TRIP4: variants seen among roughly 807,000 people sequenced by gnomAD.
TRIP4 encodes the protein thyroid hormone receptor interactor 4.
TRIP4 carries 54 observed loss-of-function variants against 81.8 expected under a neutral mutation model. The observed-to-expected ratio is 0.66, with a 90% CI of 0.53 to 0.83. TRIP4 has a LOEUF of 0.83. TRIP4 is among the 40% of genes least tolerant of loss of function. The pLI is 0.00. For missense variants in TRIP4, 662 were observed against 683.6 expected, an observed-to-expected ratio of 0.97 and a Z score of 0.35; for synonymous variants, 270 against 242.8, an observed-to-expected ratio of 1.11 and a Z score of -1.04.
Position 64,397,715 on chromosome 15 carries a change from A to G in TRIP4, c.515A>G (p.Asp172Gly). 1.2e-6 allele frequency: 2 copies of G among 1,614,228 alleles called. No individual in the cohort carries two copies. The highest frequency in any genetic ancestry group is 1.7e-6 in the Non-Finnish European group (2 of 1,180,042). The change falls in exon 4 of 13, where the codon GAT (aspartate) becomes GGT (glycine). Residue 172 changes from aspartate to glycine, a missense_variant. Physicochemically the swap from Asp to Gly is moderately conservative, Grantham distance 94. Coordinates refer to ENST00000261884, the MANE Select transcript of TRIP4 (RefSeq NM_016213.5). ...AVLLPGRHPC[D>G]CLGQKHKLIN... ...CTGCTCCCTGGTCGTCACCCTTGTG[A>G]TTGCCTGGGCCAGAAGCACAAGCTC...
intron 11 of TRIP4, among the ~76,000 whole-genome samples, chr15:64,432,699 C>T (rs532210477): frequency 6.6e-6 from 1 of 151,876 alleles, no homozygotes; most frequent in Non-Finnish European, 1.5e-5. Context: ...ATCACAAGGT[C>T]AGGAGATCAA....
chr15:64,401,195 G>A (rs187346443), intron 5 of TRIP4, among the ~76,000 whole-genome samples: 2 of 150,750 alleles, frequency 1.3e-5, no homozygotes, highest in Non-Finnish European at 3.0e-5. Context: ...GTGTAGTGGC[G>A]CTGATCTCGG....
chr15:64,413,935 A>G, intron 7 of TRIP4, 150 bp from the exon 8 acceptor site: 1 of 764,782 alleles, frequency 1.3e-6, no homozygotes, highest in African/African-American at 1.7e-5. Context: ...TGGTGTGAGA[A>G]GGAAGTTGGA....
At chr15:64,407,199 G>T (rs9919981) in intron 6 of TRIP4, among the ~76,000 whole-genome samples, 126,221 of 152,066 alleles carry the variant, frequency 0.83, 54,835 homozygotes, top group East Asian at 0.96. Context: ...GTTGCTGACA[G>T]TGTAATCTTT....
At chr15:64,439,914 G>C (rs1892480435) in intron 11 of TRIP4, among the ~76,000 whole-genome samples, 1 of 151,918 alleles carries the variant, frequency 6.6e-6, no homozygotes, top group Non-Finnish European at 1.5e-5. Flanking sequence ...AGGAGTTATT[G>C]ATCATTTCAG....
Position 64,400,837 on chromosome 15 carries a change from G to C in TRIP4, c.697+16G>C. The C allele has an allele frequency of 6.2e-7, 1 of 1,606,174 alleles. No homozygotes were observed. Among genetic ancestry groups the C allele is most frequent in the South Asian group, 1.1e-5 (1 of 90,698 alleles). ...CTCATGTCAGGTAGACAGCAGTCTTGTAATTGGATCACTGGGATGATGGGT... is the reference window on the plus strand; with the variant it reads ...CTCATGTCAGGTAGACAGCAGTCTTCTAATTGGATCACTGGGATGATGGGT... On this transcript the variant is annotated intron_variant, in intron 5 of 12. Coordinates refer to ENST00000261884, the MANE Select transcript of TRIP4 (RefSeq NM_016213.5).
Position 64,387,852 on chromosome 15 carries a change from C to T in TRIP4, c.-12C>T. ...GGGGCTTTTGCAGCTCAGCTGGTTC[C>T]GGCTGGGGAAGATGGCGGTGGCTGG... On this transcript the variant is annotated 5_prime_UTR_variant, in exon 1 of 13. Coordinates refer to ENST00000261884, the MANE Select transcript of TRIP4 (RefSeq NM_016213.5). 6.5e-7 allele frequency: 1 copy of T among 1,542,142 alleles called. No individual in the cohort carries two copies. The highest frequency in any genetic ancestry group is 1.4e-5 in the African/African-American group (1 of 73,094).
chr15:64,449,173 C>A (rs1314103807), intron 12 of TRIP4, among the ~76,000 whole-genome samples: 1 of 151,444 alleles, frequency 6.6e-6, no homozygotes, highest in Non-Finnish European at 1.5e-5. Flanking sequence ...GATTGCAATA[C>A]TGCACTCCAG....
intron 12 of TRIP4, among the ~76,000 whole-genome samples, chr15:64,450,400 AAAAAAAAAAAAAAAG>A (rs1400204067): frequency 6.7e-6 from 1 of 150,364 alleles, no homozygotes; most frequent in Non-Finnish European, 1.5e-5. Context: ...AAAGAAAAAA[AAAAAAAAAAAAAAAG>A]AAAGAAAGGA....
intron 12 of TRIP4, among the ~76,000 whole-genome samples, chr15:64,452,840 T>A (rs1174406113): frequency 6.6e-6 from 1 of 152,098 alleles, no homozygotes; most frequent in Non-Finnish European, 1.5e-5. Flanking sequence ...CAAGAGTGAC[T>A]AGGTAACATA....
At chr15:64,406,710 C>A (rs1891630546) in intron 6 of TRIP4, among the ~76,000 whole-genome samples, 1 of 152,148 alleles carries the variant, frequency 6.6e-6, no homozygotes, top group African/African-American at 2.4e-5. Context: ...ATCCCCTGGA[C>A]AGTTATGTGA....
At position 64,394,000 on chromosome 15, in the gene TRIP4, C is replaced by T; in HGVS notation, c.156C>T (p.Leu52=). The change falls in exon 2 of 13, where the codon CTC becomes CTT. Residue 52 remains leucine (L), a synonymous_variant. Coordinates refer to ENST00000261884, the MANE Select transcript of TRIP4 (RefSeq NM_016213.5). The part of the protein sequence containing the change: ...AEEIREYVTD[L]LQGNEGKKGQ... ...AGATACGAGAATATGTTACTGATCTCCTCCAGGGAAATGAAGGCAAAAAAG... is the reference window on the plus strand; with the variant it reads ...AGATACGAGAATATGTTACTGATCTTCTCCAGGGAAATGAAGGCAAAAAAG... 1.2e-6 allele frequency: 2 copies of T among 1,610,704 alleles called. No individual in the cohort carries two copies. Among genetic ancestry groups the T allele is most frequent in the African/African-American group, 2.7e-5 (2 of 74,866 alleles).
intron 10 of TRIP4, among the ~76,000 whole-genome samples, 198 bp from the exon 11 acceptor site, chr15:64,425,342 G>A (rs532226974): frequency 2.0e-5 from 3 of 152,206 alleles, no homozygotes; most frequent in East Asian, 3.9e-4. Flanking sequence ...TGTGGATAGT[G>A]GACTAAGCCA....
rs1892855604 is a variant in TRIP4 at position 64,455,080 on chromosome 15, A to C, written c.*16A>C. ...AGCTGTCTGACCCAGGAGAAAAGGAACTATACAGCATAGTGGAGTTTTGTG... is the reference window on the plus strand; with the variant it reads ...AGCTGTCTGACCCAGGAGAAAAGGACCTATACAGCATAGTGGAGTTTTGTG... On this transcript the variant is annotated 3_prime_UTR_variant, in exon 13 of 13. Transcript: ENST00000261884. The C allele has an allele frequency of 1.9e-6, 3 of 1,613,288 alleles. No homozygotes were observed. The African/African-American group carries it at 4.0e-5, about 21-fold the overall frequency.
chr15:64,430,299 T>TG (rs1392689001), intron 11 of TRIP4, among the ~76,000 whole-genome samples: 1 of 152,246 alleles, frequency 6.6e-6, no homozygotes, highest in Non-Finnish European at 1.5e-5. Context: ...GAAAAGGCTA[T>TG]GGGTTCAACT....
At chr15:64,434,635 A>G (rs1892349903) in intron 11 of TRIP4, among the ~76,000 whole-genome samples, 2 of 152,180 alleles carry the variant, frequency 1.3e-5, no homozygotes, top group African/African-American at 4.8e-5. Flanking sequence ...CAGTGAGAAG[A>G]CAGTTGTAGT....
rs375004645 is a variant in TRIP4, at chr15:64,424,059, C to G, written c.1387C>G (p.His463Asp). 7 of 1,613,962 alleles carry G rather than the reference C, an allele frequency of 4.3e-6. No individual in the cohort carries two copies. Among genetic ancestry groups the G allele is most frequent in the African/African-American group, 2.7e-5 (2 of 74,868 alleles). ...RVEGRSWYTP[H>D]RGRLWIAATA... ...GGAGGGCAGATCCTGGTACACCCCC[C>G]ACAGAGGACGACTTTGGATAGCAGC... The change falls in exon 10 of 13, where the codon CAC becomes GAC. Residue 463 changes from histidine (H) to aspartate (D), a missense_variant. Coordinates refer to ENST00000261884, the MANE Select transcript of TRIP4 (RefSeq NM_016213.5).
intron 1 of TRIP4, among the ~76,000 whole-genome samples, chr15:64,391,602 T>A (rs1195113053): frequency 6.6e-6 from 1 of 152,196 alleles, no homozygotes; most frequent in African/African-American, 2.4e-5. Flanking sequence ...TTGTTCTTTA[T>A]TATACCTTGT....
intron 1 of TRIP4, among the ~76,000 whole-genome samples, chr15:64,392,649 T>G (rs1284957743): frequency 6.6e-6 from 1 of 152,024 alleles, no homozygotes; most frequent in African/African-American, 2.4e-5. Flanking sequence ...CAGAGTCTCA[T>G]TCTGTTGCTC....
Sources: allele counts gnomAD v4.1 joint callset (sites outside exome capture counted in the v4.1 genomes callset), GRCh38; gene constraint gnomAD v4.1.1; transcripts MANE v1.5; gene names NCBI Gene and HGNC (gene_info 2026-07-23, HGNC 2026-07-21).